SAMD4A: variants seen among roughly 807,000 people sequenced by gnomAD.
SAMD4A encodes the protein sterile alpha motif domain containing 4A.
A neutral mutation model predicts 81.3 loss-of-function variants in SAMD4A; 33 were observed. That is an observed-to-expected ratio of 0.41 (90% confidence interval 0.31 to 0.54). SAMD4A has a LOEUF of 0.54. Ranked by LOEUF, SAMD4A falls within the 20% of genes least tolerant of loss-of-function variation. The pLI, the probability that SAMD4A is intolerant of heterozygous loss-of-function variation, is 0.37. For missense variants in SAMD4A, 854 were observed against 951.1 expected, an observed-to-expected ratio of 0.90 and a Z score of 1.34; for synonymous variants, 389 against 382.1, an observed-to-expected ratio of 1.02 and a Z score of -0.21.
At chr14:54,599,831 A>G (rs1179896883) in intron 2 of SAMD4A, among the ~76,000 whole-genome samples, 1 of 152,168 alleles carries the variant, frequency 6.6e-6, no homozygotes, top group African/African-American at 2.4e-5. Context: ...TATTCTTCAT[A>G]TTACAGGTCA....
intron 2 of SAMD4A, among the ~76,000 whole-genome samples, chr14:54,595,495 TA>T (rs941876079): frequency 2.0e-5 from 3 of 150,634 alleles, no homozygotes; most frequent in Admixed American, 6.6e-5. Flanking sequence ...TTAAACGAAC[TA>T]AAAAAATCTA....
intron 2 of SAMD4A, among the ~76,000 whole-genome samples, chr14:54,627,630 G>C (rs1432056292): frequency 6.6e-6 from 1 of 152,236 alleles, no homozygotes; most frequent in Non-Finnish European, 1.5e-5. Flanking sequence ...CAGGGTAGAA[G>C]TCATTGTTGA....
At chr14:54,788,821 G>T in intron 12 of SAMD4A, 95 bp from the exon 13 acceptor site, 2 of 1,483,194 alleles carry the variant, frequency 1.3e-6, no homozygotes, top group Non-Finnish European at 1.9e-6. Flanking sequence ...GCCCTCAGAG[G>T]CTGGGAGGCC....
chr14:54,713,725 T>G (rs940899549), intron 3 of SAMD4A, among the ~76,000 whole-genome samples: 1 of 152,078 alleles, frequency 6.6e-6, no homozygotes, highest in African/African-American at 2.4e-5. Context: ...TATGCTTTAG[T>G]CTTCTGCTTT....
chr14:54,598,861 C>T (rs186286755), intron 2 of SAMD4A, among the ~76,000 whole-genome samples: 16 of 152,160 alleles, frequency 1.1e-4, no homozygotes, highest in Admixed American at 1.0e-3. Flanking sequence ...CACTCTGTCG[C>T]CCAGGCTGGA....
Position 54,791,323 on chromosome 14 carries a change from T to G in SAMD4A, c.*2379T>G, listed in dbSNP as rs970279545. ...GAGAAAGGAAAGCATTCGGATCTGC[T>G]GCAAAAACACATATATCCATAAAGA... On this transcript the variant is annotated 3_prime_UTR_variant, in exon 13 of 13. Coordinates refer to ENST00000554335, the MANE Select transcript of SAMD4A (RefSeq NM_015589.6). 10 of 152,242 alleles carry G rather than the reference T, an allele frequency of 6.6e-5. No homozygotes were observed. Among genetic ancestry groups the G allele is most frequent in the Non-Finnish European group, 1.3e-4 (9 of 68,046 alleles). The allele number at this position is 152,242 out of a possible 1,614,324, so 9.4% of individuals were successfully genotyped here.
intron 2 of SAMD4A, among the ~76,000 whole-genome samples, chr14:54,665,053 G>A (rs975386952): frequency 2.0e-5 from 3 of 152,070 alleles, no homozygotes; most frequent in Non-Finnish European, 2.9e-5. Flanking sequence ...CTGTCTCTGT[G>A]TCGTGTCTAG....
chr14:54,710,823 G>T (rs1390699496), intron 3 of SAMD4A, among the ~76,000 whole-genome samples: 2 of 152,194 alleles, frequency 1.3e-5, no homozygotes, highest in African/African-American at 4.8e-5. Flanking sequence ...AGCTCCTTGG[G>T]GATAGGGGTT....
intron 2 of SAMD4A, among the ~76,000 whole-genome samples, chr14:54,602,360 ACAC>A: frequency 6.6e-6 from 1 of 150,742 alleles, no homozygotes; most frequent in Middle Eastern, 3.5e-3. Context: ...ACACACACAC[ACAC>A]ACACACACAC....
intron 2 of SAMD4A, among the ~76,000 whole-genome samples, chr14:54,674,396 C>T (rs12434888): frequency 0.34 from 51,626 of 152,160 alleles, 9,520 homozygotes; most frequent in Middle Eastern, 0.46. Flanking sequence ...TTGACCTCTT[C>T]GGCATGCCCA....
chr14:54,644,062 ACTGGGAAGG>A (rs1316360246), intron 2 of SAMD4A, among the ~76,000 whole-genome samples: 2 of 152,320 alleles, frequency 1.3e-5, no homozygotes, highest in African/African-American at 4.8e-5. Context: ...AGGGCAAACC[ACTGGGAAGG>A]CCTCTCTTGA....
chr14:54,764,568 A>AT (rs752140042), intron 8 of SAMD4A, 28 bp downstream of exon 8: 23,414 of 1,161,404 alleles, frequency 0.02, no homozygotes, highest in South Asian at 0.026. Flanking sequence ...TTACAAAACC[A>AT]TTTTTTTTTT....
At chr14:54,605,753 A>G (rs2140242161) in intron 2 of SAMD4A, among the ~76,000 whole-genome samples, 1 of 152,148 alleles carries the variant, frequency 6.6e-6, no homozygotes. Context: ...ATTTGTGTGT[A>G]AAACTGTATT....
intron 2 of SAMD4A, among the ~76,000 whole-genome samples, chr14:54,569,616 T>C (rs1006224125): frequency 3.3e-5 from 5 of 152,230 alleles, no homozygotes; most frequent in Non-Finnish European, 7.3e-5. Context: ...CATAATTGGG[T>C]AACTGATGAT....
chr14:54,598,790 A>T (rs142487959), intron 2 of SAMD4A, among the ~76,000 whole-genome samples: 1 of 152,072 alleles, frequency 6.6e-6, no homozygotes, highest in Non-Finnish European at 1.5e-5. Flanking sequence ...TGTTATTTAC[A>T]TTTCTGTTCC....
In SAMD4A at chr14:54,789,653, GA is replaced by G. The variant is rs1304779692; in HGVS notation, c.*710del. The stretch of plus-strand genomic sequence containing the variant: ...TCGTAAAGGATCTGTTGTTGTTACG[GA>G]TTCATTTTTTCCCTCTATTTTTATA... On this transcript the variant is annotated 3_prime_UTR_variant, in exon 13 of 13. Coordinates refer to ENST00000554335, the MANE Select transcript of SAMD4A (RefSeq NM_015589.6). 3 of 152,210 alleles carry G rather than the reference GA, an allele frequency of 2.0e-5. No individual in the cohort carries two copies. The highest frequency in any genetic ancestry group is 4.4e-5 in the Non-Finnish European group (3 of 68,042). The allele number at this position is 152,210 out of a possible 1,614,324, so 9.4% of individuals were successfully genotyped here. A position where few individuals can be genotyped will look rare whatever the true frequency, so the allele number is the denominator to read the frequency against.
intron 2 of SAMD4A, among the ~76,000 whole-genome samples, chr14:54,577,483 C>T (rs2033335896): frequency 6.6e-6 from 1 of 152,174 alleles, no homozygotes; most frequent in Admixed American, 6.5e-5. Context: ...AACCAGATGA[C>T]ATATAAAGCA....
intron 2 of SAMD4A, among the ~76,000 whole-genome samples, chr14:54,685,109 C>T (rs2140608099): frequency 6.6e-6 from 1 of 152,220 alleles, no homozygotes; most frequent in East Asian, 1.9e-4. Flanking sequence ...ATTTTTTTAT[C>T]ATAACATAAA....
chr14:54,756,804 C>T (rs945727261), intron 6 of SAMD4A, among the ~76,000 whole-genome samples: 2 of 152,192 alleles, frequency 1.3e-5, no homozygotes, highest in African/African-American at 4.8e-5. Context: ...CAGCCTTCCT[C>T]CAAGACCCAA....
Sources: allele counts gnomAD v4.1 joint callset (sites outside exome capture counted in the v4.1 genomes callset), GRCh38; gene constraint gnomAD v4.1.1; transcripts MANE v1.5; gene names NCBI Gene and HGNC (gene_info 2026-07-23, HGNC 2026-07-21).